Variants in CASK observed in about 807,000 individuals in gnomAD.
CASK encodes peripheral plasma membrane protein CASK.
CASK carries 4 observed loss-of-function variants against 82.9 expected under a neutral mutation model. That is an observed-to-expected ratio of 0.05 (90% CI 0.02 to 0.11). The LOEUF is 0.11. CASK is among the 10% of genes least tolerant of loss of function. CASK has a pLI of 1.00. For synonymous variants in CASK, 259 were observed against 253.5 expected, an observed-to-expected ratio of 1.02 and a Z score of -0.20; for missense variants, 358 against 720.9, an observed-to-expected ratio of 0.50 and a Z score of 5.76.
chrX:41,808,674 T>C (rs2070190140), intron 2 of CASK, among the ~76,000 whole-genome samples: 2 of 112,060 alleles, frequency 1.8e-5, no homozygotes. Context: ...TTTCTGCATT[T>C]CCAACTGAGG....
chrX:41,559,681 G>A (rs2065200691), intron 18 of CASK, 98 bp downstream of exon 18: 1 of 723,337 alleles, frequency 1.4e-6, no homozygotes, highest in South Asian at 2.2e-5. Context: ...TAACAGCACA[G>A]GCAGAAACAA....
intron 26 of CASK, chrX:41,522,341 T>C (rs1335987432): frequency 8.9e-6 from 1 of 112,138 alleles, no homozygotes; most frequent in Non-Finnish European, 1.9e-5. Flanking sequence ...GAACCAAGAA[T>C]GTCCTACCTG....
At chrX:41,680,333 T>C (rs1053638989) in intron 5 of CASK, among the ~76,000 whole-genome samples, 8 of 109,657 alleles carry the variant, frequency 7.3e-5, no homozygotes, top group Non-Finnish European at 1.5e-4. Flanking sequence ...AATACAAAAA[T>C]TTGCTGGGCG....
At chrX:41,537,006 A>G (rs1301515105) in intron 22 of CASK, among the ~76,000 whole-genome samples, 1 of 112,420 alleles carries the variant, frequency 8.9e-6, no homozygotes, top group East Asian at 2.8e-4. Flanking sequence ...ATAAGCAAGC[A>G]TCTCACAAAA....
At chrX:41,645,804 C>T (rs1187970727) in intron 8 of CASK, among the ~76,000 whole-genome samples, 6 of 111,451 alleles carry the variant, frequency 5.4e-5, no homozygotes, top group Non-Finnish European at 1.1e-4. Flanking sequence ...GATTCTCCTC[C>T]TTATACTTTC....
chrX:41,694,213 GCA>G (rs1011930924), intron 5 of CASK, among the ~76,000 whole-genome samples: 2 of 112,421 alleles, frequency 1.8e-5, no homozygotes, highest in African/African-American at 6.5e-5. Context: ...TTCTTCTTAT[GCA>G]TTTTTCATTT....
chrX:41,705,896 C>T (rs1302502389), intron 5 of CASK, among the ~76,000 whole-genome samples: 2 of 110,988 alleles, frequency 1.8e-5, no homozygotes, highest in Non-Finnish European at 3.8e-5. Context: ...CCCGGCACCC[C>T]TCCCCGTGGT....
chrX:41,652,908 T>A (rs949236803), intron 8 of CASK, among the ~76,000 whole-genome samples: 1 of 112,341 alleles, frequency 8.9e-6, no homozygotes, highest in South Asian at 3.7e-4. Context: ...GATCTCTGAT[T>A]TGTAGCCAGT....
At chrX:41,659,053 T>C (rs972502870) in intron 8 of CASK, among the ~76,000 whole-genome samples, 6 of 110,483 alleles carry the variant, frequency 5.4e-5, no homozygotes, top group African/African-American at 2.0e-4. Context: ...ACAAATAACC[T>C]ATAGCATGTT....
At chrX:41,680,647 G>C (rs1248888710) in intron 5 of CASK, among the ~76,000 whole-genome samples, 1 of 110,984 alleles carries the variant, frequency 9.0e-6, no homozygotes, top group East Asian at 2.8e-4. Flanking sequence ...TGCTGGGCGT[G>C]GTGGCTCACG....
At chrX:41,521,414 T>C (rs2064635750) in intron 26 of CASK, among the ~76,000 whole-genome samples, 1 of 111,032 alleles carries the variant, frequency 9.0e-6, no homozygotes, top group Non-Finnish European at 1.9e-5. Flanking sequence ...CTCTAGGGAG[T>C]ACTGAACTCT....
At position 41,534,478 on chromosome X, in the gene CASK, A is replaced by C. The variant is rs765738486; in HGVS notation, c.2317+228T>G. Among the ~76,000 whole-genome samples the C allele has an allele frequency of 2.7e-5, 3 of 110,211 alleles. No individual in the cohort carries two copies. In the South Asian group the frequency reaches 1.2e-3, roughly 43 times the overall value. ...CTAAGACAAGCCTAGAAGGGTATAC[A>C]ACAGAGAAGCCTAGAAGGGTATACA... On this transcript the variant is annotated intron_variant, in intron 24 of 26. Transcript: ENST00000378163.
At position 41,516,476 on chromosome X, in the gene CASK, A is replaced by G. The variant is rs1165385477; in HGVS notation, c.*3944T>C. The G allele has an allele frequency of 8.9e-6, 1 of 112,835 alleles. No homozygotes were observed. The highest frequency in any genetic ancestry group is 1.9e-5 in the Non-Finnish European group (1 of 53,392). The allele number at this position is 112,835 out of a possible 1,213,427, so 9.3% of individuals were successfully genotyped here. ...GATTAAAGCTTGTAGCCTTTCTGTA[A>G]GCTGCAGTGAGAAGGAAAGCATCTT... On this transcript the variant is annotated 3_prime_UTR_variant, in exon 27 of 27. Coordinates refer to ENST00000378163, the MANE Select transcript of CASK (RefSeq NM_001367721.1).
chrX:41,724,378 C>T (rs551879724), intron 5 of CASK: 7 of 112,511 alleles, frequency 6.2e-5, no homozygotes, highest in African/African-American at 2.3e-4. Flanking sequence ...GAAAGCTGAT[C>T]ATTAAGAAAG....
chrX:41,667,848 G>C, intron 6 of CASK, among the ~76,000 whole-genome samples: 1 of 111,681 alleles, frequency 9.0e-6, no homozygotes, highest in Non-Finnish European at 1.9e-5. Flanking sequence ...TAAAGACCTA[G>C]GCTGTAGAAC....
At chrX:41,782,800 A>G (rs951261446) in intron 3 of CASK, among the ~76,000 whole-genome samples, 3 of 111,970 alleles carry the variant, frequency 2.7e-5, no homozygotes, top group Non-Finnish European at 5.6e-5. Context: ...ATTTAGGTGA[A>G]TTTTTAAAAT....
At chrX:41,780,415 C>T (rs1284877210) in intron 3 of CASK, among the ~76,000 whole-genome samples, 9 of 111,511 alleles carry the variant, frequency 8.1e-5, no homozygotes, top group African/African-American at 2.9e-4. Context: ...AAAGGTCAAT[C>T]ATCTCTTGAC....
At chrX:41,617,068 A>C (rs1292078967) in intron 11 of CASK, among the ~76,000 whole-genome samples, 1 of 112,079 alleles carries the variant, frequency 8.9e-6, no homozygotes, top group Non-Finnish European at 1.9e-5. Flanking sequence ...AGAGGTAAAA[A>C]CAAACTGACA....
chrX:41,667,663 G>A (rs1404628115), intron 6 of CASK, among the ~76,000 whole-genome samples: 1 of 111,201 alleles, frequency 9.0e-6, no homozygotes, highest in African/African-American at 3.3e-5. Context: ...GGGCTCAAGC[G>A]ATCCTTCTGC....
Sources: allele counts gnomAD v4.1 joint callset (sites outside exome capture counted in the v4.1 genomes callset), GRCh38; gene constraint gnomAD v4.1.1; transcripts MANE v1.5; gene names NCBI Gene and HGNC (gene_info 2026-07-23, HGNC 2026-07-21).